The following GSN variants were observed in gnomAD, a reference collection of about 807,000 sequenced individuals.
The protein encoded by GSN is gelsolin, also known as actin-depolymerizing factor.
GSN carries 56 observed loss-of-function variants against 85.7 expected under a neutral mutation model. The observed-to-expected ratio is 0.65, with a 90% CI of 0.53 to 0.82. The LOEUF is 0.82. Ranked by LOEUF, GSN falls within the 40% of genes least tolerant of loss-of-function variation. The pLI, the probability that GSN is intolerant of heterozygous loss-of-function variation, is 0.00. For missense variants in GSN, 857 were observed against 979.8 expected (o/e 0.87, Z 1.67); for synonymous variants, 373 against 399.1 (o/e 0.93, Z 0.78).
chr9:121,269,670 AT>A (rs1204136717), intron 1 of GSN, among the ~76,000 whole-genome samples: 2 of 152,186 alleles, frequency 1.3e-5, no homozygotes, highest in African/African-American at 4.8e-5. Context: ...TGCCAGGGAA[AT>A]TGTAAACAGC....
upstream of GSN, among the ~76,000 whole-genome samples, chr9:121,205,074 G>A (rs2053860990): frequency 6.6e-6 from 1 of 152,216 alleles, no homozygotes; most frequent in Admixed American, 6.5e-5. Context: ...ACTGCCAGTG[G>A]CTGGGGCCAG....
chr9:121,239,328 A>G (rs2054557235), intron 5 of GSN: 1 of 425,122 alleles, frequency 2.4e-6, no homozygotes, highest in East Asian at 5.8e-5. Flanking sequence ...CAATCCACCC[A>G]ATAGTTGGGT....
intron 2 of GSN, among the ~76,000 whole-genome samples, chr9:121,288,342 T>C (rs1438785624): frequency 6.6e-6 from 1 of 152,124 alleles, no homozygotes; most frequent in African/African-American, 2.4e-5. Flanking sequence ...AATCCTACCC[T>C]CCTTGTAGGG....
At chr9:121,314,621 C>T (rs941178673) in intron 7 of GSN, among the ~76,000 whole-genome samples, 1 of 151,474 alleles carries the variant, frequency 6.6e-6, no homozygotes, top group African/African-American at 2.4e-5. Context: ...ACTACATTAT[C>T]GATTTTTTTT....
chr9:121,322,355 C>T (rs375834143), intron 11 of GSN, among the ~76,000 whole-genome samples: 17 of 152,350 alleles, frequency 1.1e-4, no homozygotes, highest in African/African-American at 3.8e-4. Context: ...AATGTCAGTA[C>T]ATAGAGACAG....
intron 4 of GSN, chr9:121,210,913 G>GT (rs2053957851): frequency 6.6e-6 from 1 of 152,248 alleles, no homozygotes; most frequent in African/African-American, 2.4e-5. Flanking sequence ...AAACAACTGA[G>GT]TGTCCATTGA....
In GSN at chr9:121,329,187, C is replaced by A; in HGVS notation, c.1888-51C>A. The A allele has an allele frequency of 6.7e-7, 1 of 1,495,670 alleles. No homozygotes were observed. The highest frequency in any genetic ancestry group is 9.3e-7 in the Non-Finnish European group (1 of 1,072,890). 92.6% of individuals were successfully genotyped at this position (1,495,670 alleles called of 1,614,324 possible). A position where few individuals can be genotyped will look rare whatever the true frequency, so the allele number is the denominator to read the frequency against. On this transcript the variant is annotated intron_variant, in intron 15 of 17. Transcript: ENST00000432226. The surrounding 1 kb of genome is among the most constrained non-coding windows in gnomAD (Gnocchi z 4.6). ...CCCTCAGGGGGCAGATAAAGGAAGG[C>A]CACCCAGGGGAGGGAAGACATCTCA...
chr9:121,302,958 G>A lies in GSN; in HGVS notation c.244G>A (p.Val82Met), dbSNP rs752400851. The A allele has an allele frequency of 9.9e-6, 16 of 1,613,950 alleles. No individual in the cohort carries two copies. The highest frequency in any genetic ancestry group is 6.6e-5 in the South Asian group (6 of 91,080). ...DESGAAAIFTVQLDDYLNGRA... is the reference protein window; with the variant it reads ...DESGAAAIFTMQLDDYLNGRA... Reference sequence around the variant, plus strand: ...GAGCGGGGCGGCCGCCATCTTTACCGTGCAGCTGGATGACTACCTGAACGG... The same window carrying A: ...GAGCGGGGCGGCCGCCATCTTTACCATGCAGCTGGATGACTACCTGAACGG... Residue 82 changes from valine to methionine, a missense_variant, in exon 4 of 18, where the codon GTG (valine) becomes ATG (methionine). Val to Met is a conservative substitution (Grantham distance 21). Coordinates refer to ENST00000432226, the MANE Select transcript of GSN (RefSeq NM_198252.3).
chr9:121,290,978 A>C (rs2132879873), intron 2 of GSN, among the ~76,000 whole-genome samples: 1 of 152,228 alleles, frequency 6.6e-6, no homozygotes, highest in Non-Finnish European at 1.5e-5. Flanking sequence ...ACACTTGTTC[A>C]TTCCACGTAT....
intron 4 of GSN, among the ~76,000 whole-genome samples, chr9:121,223,652 AAG>A (rs1283929365): frequency 1.1e-4 from 16 of 151,386 alleles, no homozygotes; most frequent in African/African-American, 3.7e-4. Flanking sequence ...CGTACTTTAT[AAG>A]TATATTATTA....
At chr9:121,295,429 A>T (rs958127980) in intron 2 of GSN, among the ~76,000 whole-genome samples, 1 of 152,132 alleles carries the variant, frequency 6.6e-6, no homozygotes, top group Non-Finnish European at 1.5e-5. Flanking sequence ...AAGTAAATAG[A>T]CTCCAAGAGA....
At chr9:121,269,479 C>T (rs1230773494) in intron 1 of GSN, among the ~76,000 whole-genome samples, 7 of 152,056 alleles carry the variant, frequency 4.6e-5, no homozygotes, top group African/African-American at 1.7e-4. Flanking sequence ...CTTGGGTGTT[C>T]CGTTTACTAA....
At chr9:121,288,009 C>T (rs1180609443) in intron 2 of GSN, among the ~76,000 whole-genome samples, 1 of 152,132 alleles carries the variant, frequency 6.6e-6, no homozygotes, top group Non-Finnish European at 1.5e-5. Flanking sequence ...TCACTGCAGC[C>T]TCAACTTCCT....
intron 7 of GSN, among the ~76,000 whole-genome samples, chr9:121,314,623 AT>A (rs899247327): frequency 4.0e-5 from 6 of 151,878 alleles, no homozygotes; most frequent in African/African-American, 9.7e-5. Context: ...TACATTATCG[AT>A]TTTTTTTCTG....
chr9:121,231,567 A>G (rs1042235446), intron 5 of GSN, among the ~76,000 whole-genome samples: 1 of 152,220 alleles, frequency 6.6e-6, no homozygotes, highest in African/African-American at 2.4e-5. Flanking sequence ...AAAAAACAAA[A>G]TAACAGTAAT....
At chr9:121,264,999 GGGTTCCCTTTAGT>G (rs1479787216), upstream of GSN, among the ~76,000 whole-genome samples, 3 of 152,152 alleles carry the variant, frequency 2.0e-5, no homozygotes, top group Non-Finnish European at 2.9e-5. Context: ...AGTACTTTCT[GGGTTCCCTTTAGT>G]ACTCAGGTCC....
At position 121,310,855 on chromosome 9, in the gene GSN, G is replaced by A; in HGVS notation, c.513+10G>A. ...CCTGGACCTGGGCAACGTGAGTCCT[G>A]CTTTCCTCTTTCCCAGGAGCCACTG... On this transcript the variant is annotated intron_variant, in intron 5 of 17. Transcript: ENST00000432226. 1 of 1,613,608 alleles carries A rather than the reference G, an allele frequency of 6.2e-7. No homozygotes were observed. Among genetic ancestry groups the A allele is most frequent in the South Asian group, 1.1e-5 (1 of 91,036 alleles).
At chr9:121,281,133 C>T in intron 1 of GSN, 1 of 162,894 alleles carries the variant, frequency 6.1e-6, no homozygotes, top group East Asian at 1.8e-4. Flanking sequence ...GGCCCAGGAT[C>T]ACTGTCTTCA....
At chr9:121,323,589 C>T (rs1229902996) in intron 11 of GSN, among the ~76,000 whole-genome samples, 1 of 151,970 alleles carries the variant, frequency 6.6e-6, no homozygotes, top group Non-Finnish European at 1.5e-5. Context: ...AGGCTGGTTT[C>T]GAACTCCTGA....
Sources: gnomAD v4.1 joint callset for allele counts (sites outside exome capture counted in the v4.1 genomes callset) on GRCh38, gnomAD v4.1.1 for gene constraint, Gnocchi (gnomAD v3.1) non-coding constraint, MANE v1.5 for transcripts, NCBI Gene and HGNC (gene_info 2026-07-23, HGNC 2026-07-21) for gene names.